Variants in SLCO3A1 observed in about 807,000 individuals in gnomAD.
SLCO3A1 encodes the protein solute carrier organic anion transporter family member 3A1, also known as PGE1 transporter.
SLCO3A1 carries 27 observed loss-of-function variants against 63.1 expected under a neutral mutation model. The ratio of observed to expected loss-of-function variants is 0.43; its 90% CI spans 0.32 to 0.59. The LOEUF is 0.59. Among genes scored for constraint, SLCO3A1 ranks in the 20% least tolerant of loss-of-function variants. The pLI, the probability that SLCO3A1 is intolerant of heterozygous loss-of-function variation, is 0.09. For synonymous variants in SLCO3A1, 473 were observed against 409.9 expected (o/e 1.15, Z -1.86); for missense variants, 773 against 945.8 (o/e 0.82, Z 2.40).
intron 2 of SLCO3A1, among the ~76,000 whole-genome samples, chr15:91,945,159 T>G (rs1383748931): frequency 6.6e-6 from 1 of 152,026 alleles, no homozygotes. Context: ...CTGACCAACA[T>G]GGTGAAACCC....
chr15:92,086,637 G>C (rs1342360489), intron 2 of SLCO3A1, among the ~76,000 whole-genome samples: 2 of 152,148 alleles, frequency 1.3e-5, no homozygotes, highest in Non-Finnish European at 2.9e-5. Context: ...TTGTAATGTA[G>C]TCCAGTCTTT....
Position 91,916,190 on chromosome 15 carries a change from CGAGTTCCT to C in SLCO3A1, c.381_388del (p.Glu127AspfsTer118). 1 of 1,595,568 alleles carries C rather than the reference CGAGTTCCT, an allele frequency of 6.3e-7. No individual in the cohort carries two copies. The highest frequency in any genetic ancestry group is 8.5e-7 in the Non-Finnish European group (1 of 1,173,776). ...TGGGCGCGCTGCTGTCGGCGCTGCC[CGAGTTCCT>C]GACCCACCAGTACAAGTACGAGGCG... On this transcript the variant is annotated frameshift_variant, in exon 2 of 10. Transcript: ENST00000318445. LOFTEE classifies it high-confidence loss of function. The surrounding 1 kb of genome is among the most constrained non-coding windows in gnomAD (Gnocchi z 6.2).
At chr15:91,901,208 C>T (rs974147477) in intron 1 of SLCO3A1, among the ~76,000 whole-genome samples, 2 of 152,132 alleles carry the variant, frequency 1.3e-5, no homozygotes, top group Admixed American at 1.3e-4. Flanking sequence ...TCACAGTGTA[C>T]TTCAGATCAG....
Position 91,967,162 on chromosome 15 carries a change from C to G in SLCO3A1, c.646+50704C>G, listed in dbSNP as rs1900689451. On this transcript the variant is annotated intron_variant, in intron 2 of 9. Coordinates refer to ENST00000318445, the MANE Select transcript of SLCO3A1 (RefSeq NM_013272.4). The surrounding 1 kb of genome is among the most constrained non-coding windows in gnomAD (Gnocchi z 4.4). ...CTATTTGTGCTGCTTTTTATCCTTT[C>G]TAAAAAAACAAAAAGATTATTAGAT... Among the ~76,000 whole-genome samples, 2 of 151,734 alleles carry G rather than the reference C, an allele frequency of 1.3e-5. No individual in the cohort carries two copies. The highest frequency in any genetic ancestry group is 4.8e-5 in the African/African-American group (2 of 41,314).
rs763207377 is a variant in SLCO3A1 at position 92,034,491 on chromosome 15, C to T, written c.647-60390C>T. 3.2e-4 allele frequency among the ~76,000 whole-genome samples: 48 copies of T among 151,410 alleles called. 2 individuals are homozygous for T. The highest frequency in any genetic ancestry group is 1.4e-3 in the Admixed American group (22 of 15,174). Reference sequence around the variant, plus strand: ...TGGTACTTAACACTGCGAGGCTGGGCGAGATGGTTTGGGGCATGGATGTAA... The same window carrying T: ...TGGTACTTAACACTGCGAGGCTGGGTGAGATGGTTTGGGGCATGGATGTAA... On this transcript the variant is annotated intron_variant, in intron 2 of 9. Coordinates refer to ENST00000318445, the MANE Select transcript of SLCO3A1 (RefSeq NM_013272.4).
At chr15:91,999,339 T>C (rs578053439) in intron 2 of SLCO3A1, among the ~76,000 whole-genome samples, 3 of 152,316 alleles carry the variant, frequency 2.0e-5, no homozygotes, top group South Asian at 4.1e-4. Context: ...GACAGAAGAT[T>C]TGTGCTACAC....
intron 2 of SLCO3A1, among the ~76,000 whole-genome samples, chr15:92,028,626 AAT>A (rs1198393725): frequency 6.6e-6 from 1 of 152,164 alleles, no homozygotes. Context: ...GACCTAATGC[AAT>A]ATTCAGACAG....
intron 1 of SLCO3A1, among the ~76,000 whole-genome samples, chr15:91,901,844 T>C (rs1028370504): frequency 1.3e-5 from 2 of 152,200 alleles, no homozygotes; most frequent in Non-Finnish European, 2.9e-5. Context: ...TTTGAGCTTG[T>C]TGGACCTGTA....
chr15:92,068,691 C>CT (rs2047179875), intron 2 of SLCO3A1, among the ~76,000 whole-genome samples: 1 of 152,234 alleles, frequency 6.6e-6, no homozygotes, highest in African/African-American at 2.4e-5. Flanking sequence ...TAATTAACAG[C>CT]TGCAGGCATT....
At chr15:92,072,185 C>T (rs1567103594) in intron 2 of SLCO3A1, among the ~76,000 whole-genome samples, 1 of 151,208 alleles carries the variant, frequency 6.6e-6, no homozygotes, top group South Asian at 2.1e-4. Flanking sequence ...TAAGCGTAAC[C>T]ACCATTCTTT....
intron 2 of SLCO3A1, among the ~76,000 whole-genome samples, chr15:91,982,889 G>A (rs907971669): frequency 1.1e-4 from 16 of 152,194 alleles, no homozygotes; most frequent in African/African-American, 3.4e-4. Flanking sequence ...CACCCAGCAA[G>A]GGGATCAGGA....
At chr15:91,864,469 A>G (rs1897118438) in intron 1 of SLCO3A1, among the ~76,000 whole-genome samples, 1 of 145,938 alleles carries the variant, frequency 6.9e-6, no homozygotes, top group Admixed American at 6.8e-5. Context: ...CACTTCTCTT[A>G]TTCTCTTTTA....
chr15:91,945,991 T>C (rs896610368), intron 2 of SLCO3A1, among the ~76,000 whole-genome samples: 4 of 152,250 alleles, frequency 2.6e-5, no homozygotes, highest in African/African-American at 9.6e-5. Context: ...TTCCCTCTTA[T>C]TTTGATTAAG....
At chr15:91,878,085 C>CT (rs757889262) in intron 1 of SLCO3A1, among the ~76,000 whole-genome samples, 7,423 of 119,832 alleles carry the variant, frequency 0.062, 633 homozygotes, top group East Asian at 0.2. Context: ...GGATTTAGGC[C>CT]TTTTTTTTTT....
At chr15:92,028,938 T>TGTGTGTGTGTGTGTGTGTGTAC (rs1488075476) in intron 2 of SLCO3A1, among the ~76,000 whole-genome samples, 3 of 151,462 alleles carry the variant, frequency 2.0e-5, no homozygotes, top group African/African-American at 7.3e-5. Context: ...TGTGTGTGTG[T>TGTGTGTGTGTGTGTGTGTGTAC]GTGTGTACGT....
chr15:92,091,140 G>A (rs906051868), intron 2 of SLCO3A1, among the ~76,000 whole-genome samples: 3 of 152,132 alleles, frequency 2.0e-5, no homozygotes, highest in Non-Finnish European at 4.4e-5. Flanking sequence ...CTGTTTTTCC[G>A]CTGTGAAACA....
At chr15:92,160,081 A>G (rs2238344) in intron 9 of SLCO3A1, among the ~76,000 whole-genome samples, 14,482 of 152,012 alleles carry the variant, frequency 0.095, 878 homozygotes, top group East Asian at 0.32. Context: ...GCTCCCCGTC[A>G]CCAGGTGTTG....
In SLCO3A1 at chr15:91,894,484, G is replaced by A. The variant is rs866802904; in HGVS notation, c.181-21509G>A. On this transcript the variant is annotated intron_variant, in intron 1 of 9. Transcript: ENST00000318445. The surrounding 1 kb of genome is among the most constrained non-coding windows in gnomAD (Gnocchi z 4.8). ...AGGTGGTAGCAGTGGAGACAGAGGAGTGGACAGATTGGAATCTGCCAAGGT... is the reference window on the plus strand; with the variant it reads ...AGGTGGTAGCAGTGGAGACAGAGGAATGGACAGATTGGAATCTGCCAAGGT... Among the ~76,000 whole-genome samples, 5 of 152,156 alleles carry A rather than the reference G, an allele frequency of 3.3e-5. No individual in the cohort carries two copies. The highest frequency in any genetic ancestry group is 7.4e-5 in the Non-Finnish European group (5 of 68,020).
intron 1 of SLCO3A1, among the ~76,000 whole-genome samples, chr15:91,870,798 G>A (rs563839449): frequency 2.6e-5 from 4 of 152,052 alleles, no homozygotes; most frequent in Admixed American, 1.3e-4. Flanking sequence ...CTTTAGTCCT[G>A]TGTAGATTCT....
Sources: allele counts gnomAD v4.1 joint callset (sites outside exome capture counted in the v4.1 genomes callset), GRCh38; gene constraint gnomAD v4.1.1; non-coding constraint Gnocchi (gnomAD v3.1); transcripts MANE v1.5; gene names NCBI Gene and HGNC (gene_info 2026-07-23, HGNC 2026-07-21).